The following SLC12A7 variants were observed in gnomAD, a reference collection of about 807,000 sequenced individuals.
SLC12A7 encodes K-Cl cotransporter 4.
A neutral mutation model predicts 120.6 loss-of-function variants in SLC12A7; 100 were observed. The ratio of observed to expected loss-of-function variants is 0.83; its 90% confidence interval spans 0.71 to 0.98. SLC12A7 has a LOEUF of 0.98. Ranked by LOEUF, SLC12A7 falls within the 50% of genes least tolerant of loss-of-function variation. SLC12A7 has a pLI of 0.00. For missense variants in SLC12A7, 1,373 were observed against 1,548.1 expected (o/e 0.89, Z 1.90); for synonymous variants, 760 against 678.0 (o/e 1.12, Z -1.88).
the SLC12A7 span, among the ~76,000 whole-genome samples, chr5:1,144,712 C>T: frequency 6.6e-6 from 1 of 152,224 alleles, no homozygotes; most frequent in African/African-American, 2.4e-5. Flanking sequence ...AACAGATCAC[C>T]AGGCTGCAGT....
chr5:1,092,339 C>T (rs917782609), intron 3 of SLC12A7, among the ~76,000 whole-genome samples: 5 of 152,186 alleles, frequency 3.3e-5, no homozygotes, highest in Non-Finnish European at 7.3e-5. Context: ...TGGGAGGATG[C>T]AGGGGAGGGC....
chr5:1,053,590 T>G, intron 22 of SLC12A7, 108 bp from the exon 23 acceptor site: 1 of 1,397,442 alleles, frequency 7.2e-7, no homozygotes, highest in South Asian at 1.4e-5. Flanking sequence ...TGGAAAGGGC[T>G]GTGTGAGTCA....
rs1339176659 is a variant in SLC12A7 at position 1,106,471 on chromosome 5, A to G, written c.124+5397T>C. 5.3e-4 allele frequency among the ~76,000 whole-genome samples: 80 copies of G among 151,800 alleles called. No homozygotes were observed. In the South Asian group the frequency reaches 5.6e-3, roughly 11 times the overall value. On this transcript the variant is annotated intron_variant, in intron 1 of 23. Coordinates refer to ENST00000264930, the MANE Select transcript of SLC12A7 (RefSeq NM_006598.3). ...TGTCTCAAAAAAAAAAAAAAAAAAAAAAAGAAAATTCATATTCCAACAGGG... is the reference window on the plus strand; with the variant it reads ...TGTCTCAAAAAAAAAAAAAAAAAAAGAAAGAAAATTCATATTCCAACAGGG...
At chr5:1,108,477 G>A (rs1579446002) in intron 1 of SLC12A7, among the ~76,000 whole-genome samples, 1 of 152,180 alleles carries the variant, frequency 6.6e-6, no homozygotes, top group African/African-American at 2.4e-5. Flanking sequence ...GGGGCTCCCG[G>A]GCACAGCCGC....
At chr5:1,052,579 G>A in intron 23 of SLC12A7, 128 bp from the exon 24 acceptor site, 1 of 752,182 alleles carries the variant, frequency 1.3e-6, no homozygotes, top group Non-Finnish European at 2.2e-6. Context: ...GAGCCAAGGT[G>A]AAAAGAGAGG....
the SLC12A7 span, among the ~76,000 whole-genome samples, chr5:1,137,544 A>C: frequency 1.3e-5 from 2 of 150,656 alleles, no homozygotes; most frequent in South Asian, 2.1e-4. Context: ...CTCCTCCTCA[A>C]CCTGCCTGGA....
chr5:1,139,541 G>A, the SLC12A7 span, among the ~76,000 whole-genome samples: 2 of 152,262 alleles, frequency 1.3e-5, no homozygotes, highest in Admixed American at 6.5e-5. Context: ...GCCACATGCC[G>A]GAACCTGGAA....
chr5:1,137,554 A>T, the SLC12A7 span, among the ~76,000 whole-genome samples: 3 of 151,676 alleles, frequency 2.0e-5, no homozygotes, highest in African/African-American at 4.8e-5. Flanking sequence ...ACCTGCCTGG[A>T]CGTCCAGACC....
intron 3 of SLC12A7, among the ~76,000 whole-genome samples, chr5:1,090,316 A>C (rs980081027): frequency 6.6e-6 from 1 of 152,306 alleles, no homozygotes; most frequent in Admixed American, 6.5e-5. Flanking sequence ...ATAATGTAAG[A>C]GCAGCTCGGA....
the SLC12A7 span, among the ~76,000 whole-genome samples, chr5:1,117,226 G>C: frequency 2.0e-5 from 3 of 152,132 alleles, no homozygotes; most frequent in Non-Finnish European, 4.4e-5. This position sits in a 1 kb window ranked among gnomAD's most constrained non-coding sequence, Gnocchi z 4.5. Flanking sequence ...TGCAGCCTTC[G>C]CTGGGGAGGC....
At chr5:1,079,194 G>A (rs567178844) in intron 10 of SLC12A7, among the ~76,000 whole-genome samples, 55 of 152,290 alleles carry the variant, frequency 3.6e-4, no homozygotes, top group African/African-American at 8.4e-4. Flanking sequence ...TTTTCTCTAC[G>A]ATCGCATCAC....
rs376590519 is a variant in SLC12A7, at chr5:1,064,470, C to T, written c.2438-218G>A. Among the ~76,000 whole-genome samples the T allele has an allele frequency of 5.9e-5, 9 of 152,348 alleles. No homozygotes were observed. The South Asian group carries it at 1.5e-3, about 25-fold the overall frequency. On this transcript the variant is annotated intron_variant, in intron 18 of 23. Transcript: ENST00000264930. ...TGTCCAGGGAATCCCCCAGCCCCTG[C>T]GGGGCTCTGGGAGAAGGGGAGGGAG...
At chr5:1,064,557 C>A (rs1205705357) in intron 18 of SLC12A7, among the ~76,000 whole-genome samples, 4 of 152,280 alleles carry the variant, frequency 2.6e-5, no homozygotes, top group Admixed American at 1.3e-4. Context: ...TCAGAGCACA[C>A]ACCCTCGGGT....
At chr5:1,141,073 G>A in the SLC12A7 span, among the ~76,000 whole-genome samples, 30 of 152,316 alleles carry the variant, frequency 2.0e-4, no homozygotes, top group East Asian at 4.0e-3. Flanking sequence ...GACACGTCTC[G>A]AAGCCTCGGG....
intron 13 of SLC12A7, 113 bp from the exon 14 acceptor site, chr5:1,076,349 C>T (rs747606835): frequency 2.9e-6 from 2 of 696,124 alleles, no homozygotes; most frequent in Non-Finnish European, 4.4e-6. Flanking sequence ...GCCTTGTCTC[C>T]CCATGTCTGT....
chr5:1,154,534 GAC>G, the SLC12A7 span, among the ~76,000 whole-genome samples: 1 of 151,754 alleles, frequency 6.6e-6, no homozygotes, highest in Non-Finnish European at 1.5e-5. Context: ...CACACACATA[GAC>G]ACACACACGG....
the SLC12A7 span, among the ~76,000 whole-genome samples, chr5:1,151,865 G>A: frequency 8.5e-5 from 13 of 152,266 alleles, no homozygotes; most frequent in Admixed American, 2.0e-4. The surrounding 1 kb of genome is among the most constrained non-coding windows in gnomAD (Gnocchi z 6.2). Context: ...CATCCCTTCC[G>A]GGTCTGGGGG....
chr5:1,053,101 G>C lies in SLC12A7; in HGVS notation c.3160+248C>G, dbSNP rs2241601. 0.36 allele frequency among the ~76,000 whole-genome samples: 54,813 copies of C among 152,120 alleles called. 11,448 individuals are homozygous for C. Among genetic ancestry groups the C allele is most frequent in the East Asian group, 0.49 (2,499 of 5,140 alleles). On this transcript the variant is annotated intron_variant, in intron 23 of 23. Transcript: ENST00000264930. ...GCCCCAGGGCAGCCCTGAGCACCTG[G>C]GGACAGTGGGGCTGGTACTGTAGGC... is the stretch of plus-strand genomic sequence containing the variant.
chr5:1,059,310 C>T (rs148598014), intron 21 of SLC12A7, among the ~76,000 whole-genome samples: 20 of 152,350 alleles, frequency 1.3e-4, no homozygotes, highest in African/African-American at 4.1e-4. Context: ...GAGCAGCAGT[C>T]GCTGCTTAGT....
Sources: gnomAD v4.1 joint callset for allele counts (sites outside exome capture counted in the v4.1 genomes callset) on GRCh38, gnomAD v4.1.1 for gene constraint, Gnocchi (gnomAD v3.1) non-coding constraint, MANE v1.5 for transcripts, NCBI Gene and HGNC (gene_info 2026-07-23, HGNC 2026-07-21) for gene names.